The following ALMS1 variants were observed in gnomAD, a reference collection of about 807,000 sequenced individuals.
ALMS1 encodes centrosome-associated protein ALMS1.
Under a neutral mutation model 352.2 loss-of-function variants are expected in ALMS1, and 271 were observed. That is an observed-to-expected ratio of 0.77 (90% CI 0.70 to 0.85). The LOEUF is 0.85. Ranked by LOEUF, ALMS1 falls within the 40% of genes least tolerant of loss-of-function variation. ALMS1 has a pLI of 0.00. For missense variants in ALMS1, 5,445 were observed against 4,870.7 expected (o/e 1.12, Z -3.51); for synonymous variants, 1,865 against 1,761.2 (o/e 1.06, Z -1.48).
chr2:73,522,790 T>G (rs1348357003), intron 11 of ALMS1, among the ~76,000 whole-genome samples: 4 of 152,162 alleles, frequency 2.6e-5, no homozygotes, highest in Non-Finnish European at 4.4e-5. Flanking sequence ...ATTAATTTCT[T>G]GACTGGACTT....
rs770885524 is a variant in ALMS1, at chr2:73,449,082, C to T, written c.2555C>T (p.Ala852Val). The change falls in exon 8 of 23, where the codon GCT (alanine) becomes GTT (valine). Residue 852 changes from alanine to valine, a missense_variant. Physicochemically the swap from Ala to Val is moderately conservative, Grantham distance 64. Coordinates refer to ENST00000613296, the MANE Select transcript of ALMS1 (RefSeq NM_001378454.1). ...GPADGKTGTP[A>V]VTSTSSASSS... ...GCTGACGGAAAGACTGGGACACCAG[C>T]TGTAACCTCTACTTCCTCTGCGTCC... 6 of 1,614,022 alleles carry T rather than the reference C, an allele frequency of 3.7e-6. No homozygotes were observed. Among genetic ancestry groups the T allele is most frequent in the East Asian group, 4.5e-5 (2 of 44,882 alleles).
rs1056260213 is a variant in ALMS1, at chr2:73,477,713, T to C, written c.7675-11921T>C. Among the ~76,000 whole-genome samples, 5 of 152,196 alleles carry C rather than the reference T, an allele frequency of 3.3e-5. No homozygotes were observed. In the East Asian group the frequency reaches 7.7e-4, roughly 23 times the overall value. On this transcript the variant is annotated intron_variant, in intron 9 of 22. Coordinates refer to ENST00000613296, the MANE Select transcript of ALMS1 (RefSeq NM_001378454.1). The stretch of plus-strand genomic sequence containing the variant: ...ATTTTGCTAAATATATTCTCAAGTA[T>C]TTAATTCTTTTTCTTGCTGTTGTAA...
At chr2:73,482,185 G>C (rs1177574013) in intron 9 of ALMS1, among the ~76,000 whole-genome samples, 1 of 152,178 alleles carries the variant, frequency 6.6e-6, no homozygotes, top group Non-Finnish European at 1.5e-5. Context: ...TCCAGTTTTT[G>C]GGCATTCAGT....
At chr2:73,469,709 A>G (rs573874729) in intron 9 of ALMS1, 5 of 152,014 alleles carry the variant, frequency 3.3e-5, no homozygotes, top group South Asian at 2.1e-4. Flanking sequence ...TGATAGGTGA[A>G]TTATTTAGGG....
At position 73,603,320 on chromosome 2, in the gene ALMS1, CAA is replaced by C. The variant is rs768207589; in HGVS notation, c.12362+17_12362+18del. 54 of 1,610,434 alleles carry C rather than the reference CAA, an allele frequency of 3.4e-5. No homozygotes were observed. The African/African-American group carries it at 6.9e-4, about 21-fold the overall frequency. On this transcript the variant is annotated intron_variant, in intron 21 of 22. Coordinates refer to ENST00000613296, the MANE Select transcript of ALMS1 (RefSeq NM_001378454.1). The stretch of plus-strand genomic sequence containing the variant: ...GGTCCAAACGGTAAGACCAAGAAAA[CAA>C]GAGTACGTATACAAGTGTAAACCAG...
chr2:73,423,907 A>G (rs1012870449), intron 4 of ALMS1, among the ~76,000 whole-genome samples: 2 of 151,984 alleles, frequency 1.3e-5, no homozygotes, highest in African/African-American at 4.8e-5. Context: ...CCTCCACAGC[A>G]GCTAGTACTA....
intron 11 of ALMS1, among the ~76,000 whole-genome samples, chr2:73,522,467 CTTTTT>C (rs137919148): frequency 9.4e-6 from 1 of 106,746 alleles, no homozygotes; most frequent in Non-Finnish European, 1.8e-5. Flanking sequence ...GGTTGAGGTC[CTTTTT>C]TTTTTTTTTT....
At chr2:73,456,461 G>A (rs902776970) in intron 9 of ALMS1, among the ~76,000 whole-genome samples, 2 of 152,144 alleles carry the variant, frequency 1.3e-5, no homozygotes, top group East Asian at 1.9e-4. Flanking sequence ...GAGGGTTTTG[G>A]TGTGGATTAT....
At chr2:73,429,068 C>T (rs574947879) in intron 6 of ALMS1, among the ~76,000 whole-genome samples, 5 of 152,256 alleles carry the variant, frequency 3.3e-5, no homozygotes, top group African/African-American at 1.2e-4. Flanking sequence ...GATCACTTTC[C>T]TGATCTGCAT....
At chr2:73,386,215 G>T (rs1479439520) in intron 1 of ALMS1, 23 bp downstream of exon 1, 1 of 1,496,746 alleles carries the variant, frequency 6.7e-7, no homozygotes, top group Admixed American at 2.1e-5. Context: ...GGGGAGGGGT[G>T]TGGAGCCGCG....
At chr2:73,467,456 A>G (rs752521660) in intron 9 of ALMS1, among the ~76,000 whole-genome samples, 3 of 152,100 alleles carry the variant, frequency 2.0e-5, no homozygotes, top group Non-Finnish European at 4.4e-5. Context: ...AACAATGCTA[A>G]ATATTGGTAA....
intron 21 of ALMS1, among the ~76,000 whole-genome samples, chr2:73,607,627 CATTATTATTTTTTTATTATT>C (rs1348890802): frequency 6.6e-6 from 1 of 151,870 alleles, no homozygotes; most frequent in Non-Finnish European, 1.5e-5. Context: ...TCTTATCCAT[CATTATTATTTTTTTATTATT>C]ATTATTATTT....
chr2:73,503,299 C>T (rs918258147), intron 10 of ALMS1, among the ~76,000 whole-genome samples: 2 of 151,890 alleles, frequency 1.3e-5, no homozygotes, highest in African/African-American at 4.8e-5. Flanking sequence ...CTTCCTGTGT[C>T]CATGTGTTCT....
chr2:73,485,354 C>T (rs1183631479), intron 9 of ALMS1, among the ~76,000 whole-genome samples: 12 of 152,186 alleles, frequency 7.9e-5, no homozygotes, highest in Non-Finnish European at 1.3e-4. Context: ...TCAGTGTGCC[C>T]CTGCTGGGAG....
chr2:73,593,291 A>G (rs1393248841), intron 16 of ALMS1, among the ~76,000 whole-genome samples: 1 of 151,812 alleles, frequency 6.6e-6, no homozygotes, highest in Admixed American at 6.6e-5. Flanking sequence ...GAATCCGTGG[A>G]TGGATTCAAC....
At chr2:73,492,368 A>G (rs1673008722) in intron 10 of ALMS1, among the ~76,000 whole-genome samples, 1 of 152,236 alleles carries the variant, frequency 6.6e-6, no homozygotes, top group Non-Finnish European at 1.5e-5. Context: ...CTTAGTTCTC[A>G]TCATGATCCT....
At position 73,440,432 on chromosome 2, in the gene ALMS1, C is replaced by G. The variant is rs74475805; in HGVS notation, c.1433-7528C>G. On this transcript the variant is annotated intron_variant, in intron 7 of 22. Coordinates refer to ENST00000613296, the MANE Select transcript of ALMS1 (RefSeq NM_001378454.1). ...TTTGCATCATTTGATCGTCTTCTCCCTCTCTCTCGCGTTCGCTGTCTTTCT... is the reference window on the plus strand; with the variant it reads ...TTTGCATCATTTGATCGTCTTCTCCGTCTCTCTCGCGTTCGCTGTCTTTCT... Among the ~76,000 whole-genome samples the G allele has an allele frequency of 5.5e-3, 843 of 152,158 alleles. 9 individuals carry two copies. Among genetic ancestry groups the G allele is most frequent in the Middle Eastern group, 0.017 (5 of 294 alleles).
intron 13 of ALMS1, among the ~76,000 whole-genome samples, chr2:73,556,774 C>T (rs973231097): frequency 2.0e-5 from 3 of 152,004 alleles, no homozygotes; most frequent in African/African-American, 7.3e-5. Flanking sequence ...ACAGTCTCAG[C>T]TCACTGCAGC....
At chr2:73,411,637 C>T (rs1252151560) in intron 2 of ALMS1, among the ~76,000 whole-genome samples, 6 of 152,242 alleles carry the variant, frequency 3.9e-5, no homozygotes, top group Non-Finnish European at 7.4e-5. Context: ...AATATTATGC[C>T]GCTTTCTAGT....
Sources: allele counts gnomAD v4.1 joint callset (sites outside exome capture counted in the v4.1 genomes callset), GRCh38; gene constraint gnomAD v4.1.1; transcripts MANE v1.5; gene names NCBI Gene and HGNC (gene_info 2026-07-23, HGNC 2026-07-21).